MZT2A: variants seen among roughly 807,000 people sequenced by gnomAD.
MZT2A encodes mitotic-spindle organizing protein 2A.
A neutral mutation model predicts 12.4 loss-of-function variants in MZT2A; 8 were observed. That is an observed-to-expected ratio of 0.64 (90% CI 0.38 to 1.16). The LOEUF is 1.16. MZT2A is among the 50% of genes most tolerant of loss of function. The probability of loss-of-function intolerance (pLI) is 0.01; values close to 1 mark genes in which losing one functional copy is unlikely to be tolerated. For synonymous variants in MZT2A, 88 were observed against 107.5 expected, an observed-to-expected ratio of 0.82 and a Z score of 1.12; for missense variants, 181 against 223.6, an observed-to-expected ratio of 0.81 and a Z score of 1.22.
chr2:131,492,863 C>T, upstream of MZT2A: 1 of 1,493,728 alleles, frequency 6.7e-7, no homozygotes, highest in Non-Finnish European at 9.0e-7. Flanking sequence ...GTGAGCCCTA[C>T]CTTGGGGCGC....
intron 2 of MZT2A, chr2:131,476,113 G>A: frequency 6.2e-7 from 1 of 1,606,528 alleles, no homozygotes; most frequent in East Asian, 2.2e-5. Context: ...GGCGCGCACA[G>A]GCAGGAGGTT....
At chr2:131,492,453 C>T (rs559068955), upstream of MZT2A, 9 of 1,180,672 alleles carry the variant, frequency 7.6e-6, no homozygotes, top group East Asian at 3.7e-4. Flanking sequence ...CTCCCTGCAG[C>T]GCCAGCGTCT....
At chr2:131,490,712 C>A in intron 2 of MZT2A, 1 of 1,549,744 alleles carries the variant, frequency 6.5e-7, no homozygotes, top group Non-Finnish European at 8.7e-7. Flanking sequence ...ATAAACGCAA[C>A]CTGCAAAAGG....
At chr2:131,482,665 C>G, downstream of MZT2A, 1 of 1,614,170 alleles carries the variant, frequency 6.2e-7, no homozygotes, top group Non-Finnish European at 8.5e-7. Flanking sequence ...CCTGGGCCCG[C>G]CTGGACCATA....
downstream of MZT2A, chr2:131,479,243 G>A (rs1400246944): frequency 2.5e-6 from 4 of 1,578,482 alleles, no homozygotes; most frequent in Admixed American, 1.7e-5. Context: ...GAACACTCCT[G>A]GAATGTGTCC....
chr2:131,486,532 C>T (rs6430826), intron 2 of MZT2A: 25,741 of 152,190 alleles, frequency 0.17, 4,020 homozygotes, highest in African/African-American at 0.41. Flanking sequence ...TGAGCTTCCT[C>T]TCCTCCCCTC....
intron 2 of MZT2A, among the ~76,000 whole-genome samples, chr2:131,474,085 G>A (rs1377793648): frequency 7.0e-6 from 1 of 142,548 alleles, no homozygotes; most frequent in Non-Finnish European, 1.5e-5. Flanking sequence ...TGTAGACAAT[G>A]TAGAGACAAT....
rs1317749738 is a variant in MZT2A at position 131,492,314 on chromosome 2, G to C, written c.63C>G (p.Ala21=). Residue 21 remains alanine (A), a synonymous_variant, in exon 1 of 3, where the codon GCC becomes GCG. Transcript: ENST00000309451. ...GSAAPPGLEA[A]RQKLALRRKK... Reference sequence around the variant, plus strand: ...TGCGCCGCAGCGCCAGCTTCTGCCGGGCCGCCTCCAGCCCCGGGGGCGCCG... The same window carrying C: ...TGCGCCGCAGCGCCAGCTTCTGCCGCGCCGCCTCCAGCCCCGGGGGCGCCG... 2.0e-6 allele frequency: 3 copies of C among 1,531,336 alleles called. No homozygotes were observed. The highest frequency in any genetic ancestry group is 2.8e-5 in the African/African-American group (2 of 70,662). The allele number at this position is 1,531,336 out of a possible 1,614,324, so 94.9% of individuals were successfully genotyped here.
chr2:131,480,418 T>C (rs759139632), downstream of MZT2A: 19 of 1,588,166 alleles, frequency 1.2e-5, no homozygotes, highest in South Asian at 4.4e-5. Flanking sequence ...ACAGCCTCCC[T>C]GCGATTTGAT....
chr2:131,474,750 C>G (rs1678596954), intron 2 of MZT2A, among the ~76,000 whole-genome samples: 1 of 151,830 alleles, frequency 6.6e-6, no homozygotes, highest in African/African-American at 2.4e-5. Flanking sequence ...ATTCCTCAGG[C>G]TAGGCCAGCC....
intron 2 of MZT2A, among the ~76,000 whole-genome samples, chr2:131,477,238 A>T (rs1445607049): frequency 6.6e-6 from 1 of 151,436 alleles, no homozygotes; most frequent in Non-Finnish European, 1.5e-5. Flanking sequence ...GGGACTCACT[A>T]TGTTACCCAG....
chr2:131,481,115 G>A (rs1678849095), downstream of MZT2A, among the ~76,000 whole-genome samples: 1 of 151,932 alleles, frequency 6.6e-6, no homozygotes, highest in Non-Finnish European at 1.5e-5. Flanking sequence ...TGTTGGCCAG[G>A]TTGGTCTTGA....
At chr2:131,485,037 G>A (rs1351232998) in intron 2 of MZT2A, among the ~76,000 whole-genome samples, 1 of 152,214 alleles carries the variant, frequency 6.6e-6, no homozygotes, top group Non-Finnish European at 1.5e-5. Context: ...CGGCAAGACT[G>A]AGAGGACCCT....
chr2:131,475,996 G>A, intron 2 of MZT2A: 1 of 936,112 alleles, frequency 1.1e-6, no homozygotes, highest in Non-Finnish European at 1.6e-6. Flanking sequence ...AGCGTCCCCA[G>A]TACACATGTT....
chr2:131,478,838 A>G (rs184486149), intron 2 of MZT2A: 1 of 214,092 alleles, frequency 4.7e-6, no homozygotes, highest in Admixed American at 5.1e-5. Flanking sequence ...AGAGCTACAA[A>G]GAGGCAGCAC....
At chr2:131,472,777 A>G (rs542089581) in intron 2 of MZT2A, among the ~76,000 whole-genome samples, 1 of 152,284 alleles carries the variant, frequency 6.6e-6, no homozygotes, top group Non-Finnish European at 1.5e-5. Context: ...CTGATGATGC[A>G]TTGTCGAGAA....
Position 131,492,212 on chromosome 2 carries a change from C to G in MZT2A, c.165G>C (p.Val55=). The stretch of plus-strand genomic sequence containing the variant: ...CCCCCACCCGCCCCGCTCACTTGAA[C>G]ACGTCGGGGTCGATACCGCCGCCCG... The part of the protein sequence containing the change: ...QAAGGGIDPD[V]FKILVDLLKL... Residue 55 remains valine (V), a synonymous_variant, in exon 1 of 3, where the codon GTG becomes GTC. Coordinates refer to ENST00000309451, the MANE Select transcript of MZT2A (RefSeq NM_001085365.2). 1 of 1,577,326 alleles carries G rather than the reference C, an allele frequency of 6.3e-7. No homozygotes were observed. The highest frequency in any genetic ancestry group is 8.6e-7 in the Non-Finnish European group (1 of 1,166,296).
exon 3 of MZT2A, chr2:131,472,145 G>A (rs1443170374): frequency 9.3e-6 from 12 of 1,289,828 alleles, no homozygotes; most frequent in Non-Finnish European, 1.1e-5. Flanking sequence ...GTGAAATCTT[G>A]TTGAGGCGCC....
At position 131,474,308 on chromosome 2, in the gene MZT2A, A is replaced by G. The variant is rs539532883; in HGVS notation, c.279-2126T>C. Among the ~76,000 whole-genome samples the G allele has an allele frequency of 1.1e-4, 16 of 151,764 alleles. No individual in the cohort carries two copies. In the South Asian group the frequency reaches 3.3e-3, roughly 32 times the overall value. On this transcript the variant is annotated intron_variant and NMD_transcript_variant, in intron 2 of 4. Coordinates refer to the MZT2A transcript ENST00000427024. ...GAGACGGGGTTTTACCGTGTTAGCC[A>G]GGATGGTCTCGATCTCCTGACCTCG... is the stretch of plus-strand genomic sequence containing the variant.
Sources: gnomAD v4.1 joint callset for allele counts (sites outside exome capture counted in the v4.1 genomes callset) on GRCh38, gnomAD v4.1.1 for gene constraint, MANE v1.5 for transcripts, NCBI Gene and HGNC (gene_info 2026-07-23, HGNC 2026-07-21) for gene names.